ETNK2: variants seen among roughly 807,000 people sequenced by gnomAD.
The protein encoded by ETNK2 is ethanolamine kinase-like protein.
In ETNK2, 33 loss-of-function variants were observed where a neutral mutation model predicts 46.2. That is an observed-to-expected ratio of 0.71 (90% CI 0.54 to 0.96). The LOEUF is 0.96. Ranked by LOEUF, ETNK2 falls within the 40% of genes least tolerant of loss-of-function variation. ETNK2 has a pLI of 0.00. For synonymous variants in ETNK2, 194 were observed against 209.0 expected, an observed-to-expected ratio of 0.93 and a Z score of 0.62; for missense variants, 445 against 509.7, an observed-to-expected ratio of 0.87 and a Z score of 1.22.
chr1:204,138,069 G>C (rs1657357370), intron 5 of ETNK2, among the ~76,000 whole-genome samples: 1 of 152,144 alleles, frequency 6.6e-6, no homozygotes, highest in Non-Finnish European at 1.5e-5. Flanking sequence ...TATATCCCTG[G>C]AGAAACATAC....
intron 7 of ETNK2, 71 bp from the exon 8 acceptor site, chr1:204,132,327 T>C: frequency 7.8e-7 from 1 of 1,280,434 alleles, no homozygotes; most frequent in Non-Finnish European, 1.1e-6. Flanking sequence ...GGTGCTGACA[T>C]CATGAGAAAA....
intron 3 of ETNK2, among the ~76,000 whole-genome samples, chr1:204,144,717 C>T (rs985159889): frequency 6.6e-6 from 1 of 152,170 alleles, no homozygotes; most frequent in African/African-American, 2.4e-5. Flanking sequence ...AGTCCACCCC[C>T]GCCCCCAAAC....
At position 204,131,705 on chromosome 1, in the gene ETNK2, C is replaced by CA. The variant is rs1218720721; in HGVS notation, c.*478dup. 2 of 169,126 alleles carry CA rather than the reference C, an allele frequency of 1.2e-5. No individual in the cohort carries two copies. Among genetic ancestry groups the CA allele is most frequent in the Non-Finnish European group, 2.6e-5 (2 of 77,220 alleles). The allele number at this position is 169,126 out of a possible 1,614,324, so 10.5% of individuals were successfully genotyped here. A position where few individuals can be genotyped will look rare whatever the true frequency, so the allele number is the denominator to read the frequency against. Reference sequence around the variant, plus strand: ...CACCAAGATAGGTACATCCATGTGTCAGAGTTGGTGTGATGCTGGTTTGGA... The same window carrying CA: ...CACCAAGATAGGTACATCCATGTGTCAAGAGTTGGTGTGATGCTGGTTTGGA... On this transcript the variant is annotated 3_prime_UTR_variant, in exon 8 of 8. Transcript: ENST00000367202. The surrounding 1 kb of genome is among the most constrained non-coding windows in gnomAD (Gnocchi z 4.3).
At chr1:204,144,368 A>AAAAAAAAAAAAAAAAAAC (rs1657696111) in intron 3 of ETNK2, among the ~76,000 whole-genome samples, 5 of 149,602 alleles carry the variant, frequency 3.3e-5, no homozygotes, top group Non-Finnish European at 7.4e-5. Context: ...AAAAAAAAAA[A>AAAAAAAAAAAAAAAAAAC]AGCCATTTCC....
At chr1:204,143,622 G>A (rs1000752131) in intron 3 of ETNK2, among the ~76,000 whole-genome samples, 1 of 152,220 alleles carries the variant, frequency 6.6e-6, no homozygotes, top group Non-Finnish European at 1.5e-5. Context: ...GGGCCAGCAG[G>A]AGGGGAAGGA....
rs1269615077 is a variant in ETNK2, at chr1:204,140,818, T to A, written c.784+497A>T. Among the ~76,000 whole-genome samples the A allele has an allele frequency of 3.1e-5, 4 of 127,930 alleles. No homozygotes were observed. In the East Asian group the frequency reaches 9.5e-4, roughly 30 times the overall value. 83.9% of individuals were successfully genotyped at this position (127,930 alleles called of 152,430 possible). ...GATTACAGGCATGAGCCACCGCGCC[T>A]GGCCAGACTTTTTTTTTTTTTTTAA... is the stretch of plus-strand genomic sequence containing the variant. On this transcript the variant is annotated intron_variant, in intron 4 of 7. Transcript: ENST00000367202.
chr1:204,143,650 G>A (rs566017544), intron 3 of ETNK2, among the ~76,000 whole-genome samples: 2 of 152,348 alleles, frequency 1.3e-5, no homozygotes, highest in South Asian at 4.2e-4. Flanking sequence ...GGAGGTCTCT[G>A]CAGGGAAGCC....
Position 204,151,630 on chromosome 1 carries a change from G to T in ETNK2, c.223C>A (p.Arg75=), listed in dbSNP as rs1658007597. Residue 75 remains arginine (R), a synonymous_variant, in exon 1 of 8, where the codon CGG becomes AGG. Coordinates refer to ENST00000367202, the MANE Select transcript of ETNK2 (RefSeq NM_018208.4). The surrounding 1 kb of genome is among the most constrained non-coding windows in gnomAD (Gnocchi z 8.0). Reference sequence around the variant, plus strand: ...ACTTGCTCGGGTTTCCAATGCGGCCGCAGCTCCTGGATGAGGCGCAGGGCC... The same window carrying T: ...ACTTGCTCGGGTTTCCAATGCGGCCTCAGCTCCTGGATGAGGCGCAGGGCC... ...PGALRLIQEL[R]PHWKPEQVRT... The T allele has an allele frequency of 1.3e-6, 2 of 1,549,228 alleles. No individual in the cohort carries two copies. Among genetic ancestry groups the T allele is most frequent in the Non-Finnish European group, 1.7e-6 (2 of 1,146,362 alleles).
At chr1:204,147,483 T>A (rs758182496) in intron 2 of ETNK2, 27 of 533,248 alleles carry the variant, frequency 5.1e-5, no homozygotes, top group Admixed American at 3.1e-4. Context: ...AGGGCCTTGA[T>A]AAAGACCCCA....
intron 7 of ETNK2, among the ~76,000 whole-genome samples, chr1:204,133,542 T>TATTTATTTA (rs1657157722): frequency 1.3e-5 from 2 of 150,798 alleles, no homozygotes; most frequent in African/African-American, 4.9e-5. Context: ...TTATTTTTTT[T>TATTTATTTA]TTTTTTTGAG....
intron 5 of ETNK2, among the ~76,000 whole-genome samples, chr1:204,137,992 C>A (rs1232733904): frequency 6.6e-6 from 1 of 152,158 alleles, no homozygotes; most frequent in African/African-American, 2.4e-5. Flanking sequence ...GACAGGAGGA[C>A]CAGGACTGGG....
chr1:204,141,834 C>T (rs1210828146), intron 3 of ETNK2: 6 of 201,706 alleles, frequency 3.0e-5, no homozygotes, highest in Non-Finnish European at 6.1e-5. Flanking sequence ...AGACTAAGAA[C>T]AAGGGCAACA....
intron 3 of ETNK2, among the ~76,000 whole-genome samples, chr1:204,146,309 A>G (rs1275154135): frequency 6.6e-6 from 1 of 152,176 alleles, no homozygotes; most frequent in South Asian, 2.1e-4. Context: ...TACAAGCCCC[A>G]TAACGCTGGG....
intron 3 of ETNK2, chr1:204,141,925 G>T: frequency 6.2e-6 from 1 of 160,894 alleles, no homozygotes; most frequent in Non-Finnish European, 1.4e-5. Context: ...AGCTCCCTAA[G>T]TCGAGCTGAC....
intron 6 of ETNK2, 119 bp downstream of exon 6, chr1:204,136,985 G>C (rs1657310258): frequency 1.4e-6 from 2 of 1,383,172 alleles, no homozygotes; most frequent in African/African-American, 1.4e-5. Context: ...CAGGAGCCAG[G>C]GATGGGTGTC....
intron 1 of ETNK2, 110 bp from the exon 2 acceptor site, chr1:204,150,072 A>T: frequency 8.1e-7 from 1 of 1,232,126 alleles, no homozygotes; most frequent in East Asian, 2.5e-5. Context: ...AATGCCGAGC[A>T]CAACCACCCC....
chr1:204,143,242 G>A (rs747623721), intron 3 of ETNK2, among the ~76,000 whole-genome samples: 1 of 150,346 alleles, frequency 6.7e-6, no homozygotes, highest in Non-Finnish European at 1.5e-5. Context: ...TTTTTTCTTG[G>A]ACTGAGACCA....
rs1296606725 is a variant in ETNK2 at position 204,151,735 on chromosome 1, G to C, written c.118C>G (p.Arg40Gly). 1.9e-5 allele frequency: 29 copies of C among 1,533,886 alleles called. No homozygotes were observed. The highest frequency in any genetic ancestry group is 2.5e-5 in the Non-Finnish European group (29 of 1,141,164). Residue 40 changes from arginine (R) to glycine (G), a missense_variant, in exon 1 of 8, where the codon CGG becomes GGG. Transcript: ENST00000367202. The surrounding 1 kb of genome is among the most constrained non-coding windows in gnomAD (Gnocchi z 8.0). ...GCCCTCGGGGGGCCCGGCGGCTCCC[G>C]GCAGCTGGCGCTGGCCGCCGCCTTC... ...EEKAAASASC[R>G]EPPGPPRAAA...
chr1:204,133,600 C>T (rs1231883063), intron 7 of ETNK2, among the ~76,000 whole-genome samples: 1 of 150,028 alleles, frequency 6.7e-6, no homozygotes, highest in Non-Finnish European at 1.5e-5. Flanking sequence ...GGCGGGATCT[C>T]GGCTCACTGC....
Sources: gnomAD v4.1 joint callset for allele counts (sites outside exome capture counted in the v4.1 genomes callset) on GRCh38, gnomAD v4.1.1 for gene constraint, Gnocchi (gnomAD v3.1) non-coding constraint, MANE v1.5 for transcripts, NCBI Gene and HGNC (gene_info 2026-07-23, HGNC 2026-07-21) for gene names.